DNAJC5: variants seen among roughly 807,000 people sequenced by gnomAD.
DNAJC5 encodes dnaJ homolog subfamily C member 5.
In DNAJC5, 1 loss-of-function variant was observed where a neutral mutation model predicts 23.2. That is an observed-to-expected ratio of 0.04 (90% confidence interval 0.02 to 0.20). DNAJC5 has a LOEUF of 0.20. Among genes scored for constraint, DNAJC5 ranks in the 10% least tolerant of loss-of-function variants. DNAJC5 has a pLI of 1.00. For missense variants in DNAJC5, 180 were observed against 267.0 expected, an observed-to-expected ratio of 0.67 and a Z score of 2.27; for synonymous variants, 136 against 120.0, an observed-to-expected ratio of 1.13 and a Z score of -0.87.
chr20:63,905,766 G>T (rs1395897190), intron 1 of DNAJC5, among the ~76,000 whole-genome samples: 1 of 134,532 alleles, frequency 7.4e-6, no homozygotes, highest in African/African-American at 2.9e-5. Context: ...ACAAAGTCTT[G>T]CTCTGTCACC....
At position 63,931,465 on chromosome 20, in the gene DNAJC5, A is replaced by C; in HGVS notation, c.494A>C (p.Glu165Ala). The C allele has an allele frequency of 1.3e-6, 2 of 1,554,848 alleles. No homozygotes were observed. Among genetic ancestry groups the C allele is most frequent in the Non-Finnish European group, 1.7e-6 (2 of 1,155,956 alleles). The change falls in exon 5 of 5, where the codon GAG becomes GCG. Residue 165 changes from glutamate to alanine, a missense_variant and splice_region_variant. Around this residue, in one of 3 missense-constraint regions of DNAJC5, gnomAD observed 97 missense variants for 123.4 expected, o/e 0.79. Coordinates refer to ENST00000360864, the MANE Select transcript of DNAJC5 (RefSeq NM_025219.3). This position sits in a 1 kb window ranked among gnomAD's most constrained non-coding sequence, Gnocchi z 9.6. Reference sequence around the variant, plus strand: ...AGTGCCCTGTGTGCTTGCTTTTCAGAGGCCACAGACACGCCGATCGTCATA... The same window carrying C: ...AGTGCCCTGTGTGCTTGCTTTTCAGCGGCCACAGACACGCCGATCGTCATA... ...LEAQLQSDEREATDTPIVIQP... is the reference protein window; with the variant it reads ...LEAQLQSDERAATDTPIVIQP...
intron 1 of DNAJC5, among the ~76,000 whole-genome samples, chr20:63,916,148 G>A (rs1418324008): frequency 2.0e-5 from 3 of 152,132 alleles, no homozygotes; most frequent in Admixed American, 6.6e-5. Flanking sequence ...GGGTTTTGCC[G>A]TGTTGGTCAG....
At chr20:63,909,491 A>C (rs994694566) in intron 1 of DNAJC5, among the ~76,000 whole-genome samples, 2 of 152,170 alleles carry the variant, frequency 1.3e-5, no homozygotes, top group Non-Finnish European at 2.9e-5. Flanking sequence ...CGACAGAGCG[A>C]GATTCCGTCT....
rs1340660993 is a variant in DNAJC5 at position 63,920,962 on chromosome 20, ATTTTG to A, written c.-11-7362_-11-7358del. On this transcript the variant is annotated intron_variant, in intron 1 of 4. Coordinates refer to ENST00000360864, the MANE Select transcript of DNAJC5 (RefSeq NM_025219.3). The surrounding 1 kb of genome is among the most constrained non-coding windows in gnomAD (Gnocchi z 4.6). ...CCCAAAGCCTTGTTTGCTTTTTTTT[ATTTTG>A]TTTTGTTTTGAGACGGAGTTTCACT... 4.0e-5 allele frequency among the ~76,000 whole-genome samples: 6 copies of A among 149,312 alleles called. No individual in the cohort carries two copies. Among genetic ancestry groups the A allele is most frequent in the Non-Finnish European group, 8.9e-5 (6 of 67,472 alleles).
chr20:63,932,966 A>T lies in DNAJC5; in HGVS notation c.*1398A>T, dbSNP rs1037123918. ...TAGGGGAGCAGGGGGAACGGGTCTG[A>T]TGTCCCTGTGCTGGCTGAGGGCTCA... On this transcript the variant is annotated 3_prime_UTR_variant, in exon 5 of 5. Coordinates refer to ENST00000360864, the MANE Select transcript of DNAJC5 (RefSeq NM_025219.3). The surrounding 1 kb of genome is among the most constrained non-coding windows in gnomAD (Gnocchi z 4.4). The T allele has an allele frequency of 9.8e-5, 15 of 152,446 alleles. No individual in the cohort carries two copies. Among genetic ancestry groups the T allele is most frequent in the African/African-American group, 3.4e-4 (14 of 41,442 alleles). 9.4% of individuals were successfully genotyped at this position (152,446 alleles called of 1,614,324 possible).
chr20:63,922,609 A>G (rs1465747115), intron 1 of DNAJC5, among the ~76,000 whole-genome samples: 1 of 151,446 alleles, frequency 6.6e-6, no homozygotes, highest in Non-Finnish European at 1.5e-5. Flanking sequence ...CTCTGCAAAA[A>G]ATTTCTAAAA....
intron 1 of DNAJC5, among the ~76,000 whole-genome samples, chr20:63,904,294 T>G (rs2053433237): frequency 6.6e-6 from 1 of 152,152 alleles, no homozygotes; most frequent in Non-Finnish European, 1.5e-5. Flanking sequence ...AAAATTACCC[T>G]TTTTTCCCCA....
chr20:63,931,720 C>T lies in DNAJC5; in HGVS notation c.*152C>T, dbSNP rs1470582237. The T allele has an allele frequency of 1.3e-6, 1 of 742,084 alleles. No homozygotes were observed. Among genetic ancestry groups the T allele is most frequent in the Middle Eastern group, 2.8e-4 (1 of 3,522 alleles). The allele number at this position is 742,084 out of a possible 1,614,324, so 46.0% of individuals were successfully genotyped here. On this transcript the variant is annotated 3_prime_UTR_variant, in exon 5 of 5. Coordinates refer to ENST00000360864, the MANE Select transcript of DNAJC5 (RefSeq NM_025219.3). The surrounding 1 kb of genome is among the most constrained non-coding windows in gnomAD (Gnocchi z 9.6). Reference sequence around the variant, plus strand: ...TGCCTCCACGCCCACCCAGCGTCGACCCTTGACCCACGAAGTGCGTAGCAT... The same window carrying T: ...TGCCTCCACGCCCACCCAGCGTCGATCCTTGACCCACGAAGTGCGTAGCAT...
At chr20:63,912,751 G>A (rs1432667703) in intron 1 of DNAJC5, among the ~76,000 whole-genome samples, 1 of 152,164 alleles carries the variant, frequency 6.6e-6, no homozygotes, top group Non-Finnish European at 1.5e-5. Context: ...GGGACTACAG[G>A]CGCCTGCCAC....
intron 1 of DNAJC5, among the ~76,000 whole-genome samples, chr20:63,896,816 T>A (rs2053378610): frequency 6.6e-6 from 1 of 152,166 alleles, no homozygotes; most frequent in Non-Finnish European, 1.5e-5. Flanking sequence ...TGGCACATGA[T>A]CGGGGCCCAG....
At chr20:63,905,032 T>G (rs1394480227) in intron 1 of DNAJC5, among the ~76,000 whole-genome samples, 1 of 151,440 alleles carries the variant, frequency 6.6e-6, no homozygotes, top group Non-Finnish European at 1.5e-5. Context: ...CTCGAACTCC[T>G]GACATCAGGT....
In DNAJC5 at chr20:63,897,346, A is replaced by G. The variant is rs148760102; in HGVS notation, c.-12+2023A>G. The stretch of plus-strand genomic sequence containing the variant: ...GAGGCGGAGGTTGCAGTGAGCCGAG[A>G]TCGCGCCACTGCACTCCAGCCTGGG... On this transcript the variant is annotated intron_variant, in intron 1 of 4. Coordinates refer to ENST00000360864, the MANE Select transcript of DNAJC5 (RefSeq NM_025219.3). Among the ~76,000 whole-genome samples the G allele has an allele frequency of 7.0e-3, 1,067 of 151,556 alleles. 10 individuals are homozygous for G. The highest frequency in any genetic ancestry group is 0.025 in the African/African-American group (1,011 of 41,240).
chr20:63,935,139 CAACAGTT>C lies in DNAJC5; in HGVS notation c.*3572_*3578del, dbSNP rs1311667572. On this transcript the variant is annotated 3_prime_UTR_variant, in exon 5 of 5. Coordinates refer to ENST00000360864, the MANE Select transcript of DNAJC5 (RefSeq NM_025219.3). The stretch of plus-strand genomic sequence containing the variant: ...GCTACATTTTTACTGTCCTTACCAG[CAACAGTT>C]TGCGTCGTCACATGCTGTGAGTGTG... 2 of 152,322 alleles carry C rather than the reference CAACAGTT, an allele frequency of 1.3e-5. No homozygotes were observed. The highest frequency in any genetic ancestry group is 2.9e-5 in the Non-Finnish European group (2 of 68,108). 9.4% of individuals were successfully genotyped at this position (152,322 alleles called of 1,614,324 possible). A position where few individuals can be genotyped will look rare whatever the true frequency, so the allele number is the denominator to read the frequency against.
intron 1 of DNAJC5, among the ~76,000 whole-genome samples, chr20:63,913,891 T>C (rs2053499184): frequency 6.6e-6 from 1 of 152,244 alleles, no homozygotes; most frequent in African/African-American, 2.4e-5. Context: ...AACAGCCACC[T>C]TCTTAGCATC....
Position 63,934,707 on chromosome 20 carries a change from A to T in DNAJC5, c.*3139A>T, listed in dbSNP as rs1344787466. The T allele has an allele frequency of 6.6e-6, 1 of 152,270 alleles. No individual in the cohort carries two copies. 9.4% of individuals were successfully genotyped at this position (152,270 alleles called of 1,614,324 possible). On this transcript the variant is annotated 3_prime_UTR_variant, in exon 5 of 5. Transcript: ENST00000360864. ...AGTTCTCTATGTTGTTAGTGCAGCCAGCACCCAGTGGGGACCTACTAGAAA... is the reference window on the plus strand; with the variant it reads ...AGTTCTCTATGTTGTTAGTGCAGCCTGCACCCAGTGGGGACCTACTAGAAA...
In DNAJC5 at chr20:63,931,270, G is replaced by T. The variant is rs1600888450; in HGVS notation, c.494-195G>T. 2 of 786,256 alleles carry T rather than the reference G, an allele frequency of 2.5e-6. No individual in the cohort carries two copies. Among genetic ancestry groups the T allele is most frequent in the Non-Finnish European group, 4.3e-6 (2 of 467,202 alleles). The allele number at this position is 786,256 out of a possible 1,614,324, so 48.7% of individuals were successfully genotyped here. ...GCGAGGCGGGGCAGGGCGGCAGGCA[G>T]TTGGGGCGGGGCTGAGGGCCGAGGG... On this transcript the variant is annotated intron_variant, in intron 4 of 4. Coordinates refer to ENST00000360864, the MANE Select transcript of DNAJC5 (RefSeq NM_025219.3). The surrounding 1 kb of genome is among the most constrained non-coding windows in gnomAD (Gnocchi z 9.6).
intron 1 of DNAJC5, among the ~76,000 whole-genome samples, chr20:63,900,576 C>CAAAAAAAAAA (rs752326573): frequency 1.5e-5 from 1 of 65,286 alleles, no homozygotes; most frequent in African/African-American, 6.5e-5. Flanking sequence ...GACACTGTCT[C>CAAAAAAAAAA]AAAAAAAAAA....
chr20:63,896,821 G>A (rs1207157575), intron 1 of DNAJC5, among the ~76,000 whole-genome samples: 4 of 152,178 alleles, frequency 2.6e-5, no homozygotes, highest in African/African-American at 9.7e-5. Flanking sequence ...CATGATCGGG[G>A]CCCAGTAAAT....
chr20:63,918,781 A>G (rs2053536688), intron 1 of DNAJC5, among the ~76,000 whole-genome samples: 1 of 152,108 alleles, frequency 6.6e-6, no homozygotes, highest in Non-Finnish European at 1.5e-5. Flanking sequence ...ATTTTTGTAG[A>G]GACGGGGTTT....
Sources: allele counts gnomAD v4.1 joint callset (sites outside exome capture counted in the v4.1 genomes callset), GRCh38; gene constraint gnomAD v4.1.1; regional missense constraint gnomAD v4.1.1; non-coding constraint Gnocchi (gnomAD v3.1); transcripts MANE v1.5; gene names NCBI Gene and HGNC (gene_info 2026-07-23, HGNC 2026-07-21).